The following GPHN variants were observed in gnomAD, a reference collection of about 807,000 sequenced individuals.
GPHN encodes the protein gephyrin.
In GPHN, 17 loss-of-function variants were observed where a neutral mutation model predicts 95.5. That is an observed-to-expected ratio of 0.18 (90% CI 0.12 to 0.27). The LOEUF is 0.27. Among genes scored for constraint, GPHN ranks in the 10% least tolerant of loss-of-function variants. The pLI is 1.00. For synonymous variants in GPHN, 320 were observed against 322.5 expected (o/e 0.99, Z 0.08); for missense variants, 660 against 978.1 (o/e 0.67, Z 4.34).
At chr14:67,036,540 C>CACACACACACACACACAG (rs946760546) in intron 10 of GPHN, among the ~76,000 whole-genome samples, 8 of 148,222 alleles carry the variant, frequency 5.4e-5, no homozygotes, top group Non-Finnish European at 1.2e-4. Context: ...CACACACACA[C>CACACACACACACACACAG]AGAGAAACAC....
chr14:67,400,138 A>C, the GPHN span, among the ~76,000 whole-genome samples: 1 of 152,206 alleles, frequency 6.6e-6, no homozygotes, highest in Non-Finnish European at 1.5e-5. Flanking sequence ...TCTGCACCAA[A>C]GTTATTTGTG....
Position 66,957,878 on chromosome 14 carries a change from T to A in GPHN, c.829-7313T>A, listed in dbSNP as rs137986797. ...GATCAGTGGCAACATTAGATTCTCA[T>A]AGGAGCATGAATGCAAGGGATCTAA... On this transcript the variant is annotated intron_variant, in intron 8 of 22. Coordinates refer to ENST00000478722, the MANE Select transcript of GPHN (RefSeq NM_020806.5). 3.9e-4 allele frequency among the ~76,000 whole-genome samples: 60 copies of A among 152,270 alleles called. No individual in the cohort carries two copies. In the East Asian group the frequency reaches 9.7e-3, roughly 25 times the overall value.
intron 1 of GPHN, among the ~76,000 whole-genome samples, chr14:66,517,330 G>A (rs1287567941): frequency 4.6e-5 from 7 of 152,100 alleles, no homozygotes; most frequent in African/African-American, 1.2e-4. Flanking sequence ...TAGAAGTTAC[G>A]TTTGGATTAA....
intron 4 of GPHN, among the ~76,000 whole-genome samples, chr14:66,877,099 AC>A (rs1185666340): frequency 6.6e-6 from 1 of 152,312 alleles, no homozygotes; most frequent in East Asian, 1.9e-4. Context: ...AAATCAGTAA[AC>A]ATAATCCTCA....
At chr14:66,979,752 T>C (rs1014495665) in intron 9 of GPHN, among the ~76,000 whole-genome samples, 2 of 152,240 alleles carry the variant, frequency 1.3e-5, no homozygotes, top group Non-Finnish European at 2.9e-5. Flanking sequence ...ACAAGTAGCC[T>C]AGCTTTCTGG....
intron 17 of GPHN, among the ~76,000 whole-genome samples, chr14:67,140,403 A>G (rs1335789535): frequency 1.3e-5 from 2 of 150,826 alleles, no homozygotes; most frequent in Non-Finnish European, 3.0e-5. Context: ...AAAAAAAAGT[A>G]CGATAAAGCA....
chr14:66,949,816 G>A (rs1045578276), intron 8 of GPHN, among the ~76,000 whole-genome samples: 3 of 151,866 alleles, frequency 2.0e-5, no homozygotes, highest in Admixed American at 2.0e-4. Context: ...AATATTCTTG[G>A]CATCAAATAT....
the GPHN span, among the ~76,000 whole-genome samples, chr14:67,442,444 T>C: frequency 6.6e-6 from 1 of 152,188 alleles, no homozygotes; most frequent in Non-Finnish European, 1.5e-5. Flanking sequence ...GTGTGTGTAC[T>C]TCTACCTAGC....
the GPHN span, among the ~76,000 whole-genome samples, chr14:67,305,584 A>G: frequency 6.6e-6 from 1 of 152,190 alleles, no homozygotes; most frequent in Non-Finnish European, 1.5e-5. Flanking sequence ...CCCAGCCAAG[A>G]CATGTTTTCT....
chr14:67,144,256 T>C (rs866398789), intron 18 of GPHN, among the ~76,000 whole-genome samples: 2 of 84,178 alleles, frequency 2.4e-5, no homozygotes, highest in African/African-American at 1.2e-4. Flanking sequence ...AAAAAATATA[T>C]ATATATATAT....
chr14:66,826,237 A>C (rs897539017), intron 4 of GPHN, among the ~76,000 whole-genome samples: 1 of 152,192 alleles, frequency 6.6e-6, no homozygotes, highest in Non-Finnish European at 1.5e-5. Flanking sequence ...CAGTTAATAC[A>C]AAATGCTAGG....
chr14:66,605,964 A>G (rs1468815219), intron 1 of GPHN, among the ~76,000 whole-genome samples: 1 of 152,018 alleles, frequency 6.6e-6, no homozygotes, highest in Non-Finnish European at 1.5e-5. Flanking sequence ...ACTGTTGATA[A>G]TTTATTTTTC....
chr14:67,645,519 C>T, the GPHN span: 1 of 1,085,842 alleles, frequency 9.2e-7, no homozygotes, highest in South Asian at 1.8e-5. Flanking sequence ...CACCCAAACC[C>T]AGTCTCCATC....
At chr14:67,571,795 C>G in the GPHN span, 1 of 1,613,970 alleles carries the variant, frequency 6.2e-7, no homozygotes, top group Middle Eastern at 1.6e-4. Flanking sequence ...GACGAGTCCT[C>G]TGGGTCTGAC....
chr14:67,336,944 G>A, the GPHN span, among the ~76,000 whole-genome samples: 1 of 152,108 alleles, frequency 6.6e-6, no homozygotes, highest in Non-Finnish European at 1.5e-5. Context: ...GAAACAGAAA[G>A]GAAAAGTTAG....
At chr14:66,805,949 C>T (rs1464086683) in intron 3 of GPHN, among the ~76,000 whole-genome samples, 1 of 152,180 alleles carries the variant, frequency 6.6e-6, no homozygotes, top group African/African-American at 2.4e-5. Context: ...CAGTAGGGAC[C>T]CTGTGGAGGC....
intron 3 of GPHN, among the ~76,000 whole-genome samples, chr14:66,805,580 A>G (rs901487549): frequency 6.6e-6 from 1 of 152,244 alleles, no homozygotes; most frequent in Non-Finnish European, 1.5e-5. Context: ...ATGTGGGTAC[A>G]GGTATTGGGT....
At chr14:67,058,825 T>A (rs752936105) in intron 11 of GPHN, 39 bp downstream of exon 11, 8 of 1,568,768 alleles carry the variant, frequency 5.1e-6, no homozygotes, top group Middle Eastern at 1.7e-4. Flanking sequence ...CTTTTCTTCA[T>A]TTTTTTCCAA....
chr14:67,347,615 G>C, the GPHN span, among the ~76,000 whole-genome samples: 1 of 151,202 alleles, frequency 6.6e-6, no homozygotes, highest in African/African-American at 2.4e-5. Flanking sequence ...AATTCTCCTG[G>C]TCAGCCTCCT....
Sources: gnomAD v4.1 joint callset for allele counts (sites outside exome capture counted in the v4.1 genomes callset) on GRCh38, gnomAD v4.1.1 for gene constraint, MANE v1.5 for transcripts, NCBI Gene and HGNC (gene_info 2026-07-23, HGNC 2026-07-21) for gene names.